The following HEMK2 variants were observed in gnomAD, a reference collection of about 807,000 sequenced individuals.
HEMK2 encodes HemK methyltransferase 2, ETF1 glutamine and histone H4 lysine.
chr21:28,831,563 G>GA, the HEMK2 span, among the ~76,000 whole-genome samples: 1 of 84,918 alleles, frequency 1.2e-5, no homozygotes, highest in Non-Finnish European at 2.1e-5. Context: ...AAGAAGGAAA[G>GA]AAGGAAAGAA....
chr21:28,869,910 A>G, the HEMK2 span, among the ~76,000 whole-genome samples: 1 of 152,202 alleles, frequency 6.6e-6, no homozygotes, highest in African/African-American at 2.4e-5. Context: ...TATACCCAAG[A>G]AACTCTCTGG....
At chr21:28,778,612 G>A in the HEMK2 span, among the ~76,000 whole-genome samples, 1 of 152,104 alleles carries the variant, frequency 6.6e-6, no homozygotes, top group Admixed American at 6.5e-5. Context: ...CCATATTTTA[G>A]CCATCCAGAT....
At chr21:28,827,122 C>T in the HEMK2 span, among the ~76,000 whole-genome samples, 1 of 152,070 alleles carries the variant, frequency 6.6e-6, no homozygotes, top group African/African-American at 2.4e-5. Flanking sequence ...AATGCCAGAC[C>T]CCATGCTAGG....
At chr21:28,660,944 C>CT in the HEMK2 span, among the ~76,000 whole-genome samples, 1 of 152,026 alleles carries the variant, frequency 6.6e-6, no homozygotes, top group Non-Finnish European at 1.5e-5. Context: ...ACATACTCTA[C>CT]TTTTTTAAGG....
chr21:28,629,106 T>C, the HEMK2 span, among the ~76,000 whole-genome samples: 1 of 152,174 alleles, frequency 6.6e-6, no homozygotes, highest in African/African-American at 2.4e-5. Flanking sequence ...ACAAGGACTT[T>C]TAAGATCACG....
chr21:28,579,352 T>C, the HEMK2 span, among the ~76,000 whole-genome samples: 1 of 152,198 alleles, frequency 6.6e-6, no homozygotes, highest in Non-Finnish European at 1.5e-5. Flanking sequence ...TATATAATTG[T>C]ATATTCTTCA....
At chr21:28,775,062 T>C in the HEMK2 span, among the ~76,000 whole-genome samples, 1 of 152,198 alleles carries the variant, frequency 6.6e-6, no homozygotes, top group African/African-American at 2.4e-5. Flanking sequence ...GCAAAACACA[T>C]CTCAAATTCC....
At chr21:28,795,572 G>A in the HEMK2 span, among the ~76,000 whole-genome samples, 2 of 152,156 alleles carry the variant, frequency 1.3e-5, no homozygotes, top group Non-Finnish European at 2.9e-5. Flanking sequence ...TTTACTGGGT[G>A]AACAGATAAA....
At chr21:28,804,394 A>C in the HEMK2 span, among the ~76,000 whole-genome samples, 2 of 152,188 alleles carry the variant, frequency 1.3e-5, no homozygotes, top group African/African-American at 4.8e-5. Context: ...TTTTCTTTTT[A>C]GCTGTCAACA....
chr21:28,664,619 T>G, the HEMK2 span, among the ~76,000 whole-genome samples: 1 of 152,132 alleles, frequency 6.6e-6, no homozygotes, highest in African/African-American at 2.4e-5. Context: ...ATATATATAT[T>G]GTAAGCTAAA....
At chr21:28,794,042 A>C in the HEMK2 span, among the ~76,000 whole-genome samples, 1 of 152,244 alleles carries the variant, frequency 6.6e-6, no homozygotes, top group Non-Finnish European at 1.5e-5. Flanking sequence ...AATTTGTTAC[A>C]GCAGACTTAA....
chr21:28,697,777 C>CTAAAAA, the HEMK2 span, among the ~76,000 whole-genome samples: 1 of 33,898 alleles, frequency 3.0e-5, no homozygotes, highest in Non-Finnish European at 4.3e-5. Flanking sequence ...AATCATGAGC[C>CTAAAAA]CAAAAAAAAA....
At chr21:28,630,196 C>T in the HEMK2 span, among the ~76,000 whole-genome samples, 7 of 151,938 alleles carry the variant, frequency 4.6e-5, no homozygotes, top group South Asian at 1.2e-3. Context: ...TTTCACTGGC[C>T]ATCAGAGAAA....
the HEMK2 span, among the ~76,000 whole-genome samples, chr21:28,730,063 C>T: frequency 1.3e-5 from 2 of 151,982 alleles, no homozygotes; most frequent in Non-Finnish European, 2.9e-5. Context: ...TAACAAAATC[C>T]CTCAAAGCTA....
the HEMK2 span, among the ~76,000 whole-genome samples, chr21:28,857,256 G>A: frequency 2.0e-5 from 3 of 151,390 alleles, no homozygotes; most frequent in Non-Finnish European, 4.4e-5. Context: ...TATTGAATTT[G>A]ATTAAAAAAA....
the HEMK2 span, among the ~76,000 whole-genome samples, chr21:28,820,888 T>C: frequency 6.6e-6 from 1 of 152,224 alleles, no homozygotes; most frequent in Non-Finnish European, 1.5e-5. Context: ...TTACCTCCTA[T>C]GTGAAATACA....
chr21:28,708,978 G>A, the HEMK2 span, among the ~76,000 whole-genome samples: 1 of 152,210 alleles, frequency 6.6e-6, no homozygotes, highest in Non-Finnish European at 1.5e-5. Flanking sequence ...CTGGAGGCTG[G>A]AAGTCAGGGT....
At chr21:28,878,377 A>C in the HEMK2 span, 1 of 1,604,442 alleles carries the variant, frequency 6.2e-7, no homozygotes, top group Non-Finnish European at 8.5e-7. Flanking sequence ...CTCAAGTTTG[A>C]TTTAGATCAC....
chr21:28,838,753 A>G, the HEMK2 span, among the ~76,000 whole-genome samples: 2 of 150,862 alleles, frequency 1.3e-5, no homozygotes, highest in Non-Finnish European at 3.0e-5. Flanking sequence ...CAGCCTGACC[A>G]ACATGGAGAA....
Sources: allele counts gnomAD v4.1 joint callset (sites outside exome capture counted in the v4.1 genomes callset), GRCh38; gene constraint gnomAD v4.1.1; transcripts MANE v1.5; gene names NCBI Gene and HGNC (gene_info 2026-07-23, HGNC 2026-07-21).